HAO2: variants seen among roughly 807,000 people sequenced by gnomAD.
HAO2 encodes the protein 2-Hydroxyacid oxidase 2.
Under a neutral mutation model 37.4 loss-of-function variants are expected in HAO2, and 42 were observed. The ratio of observed to expected loss-of-function variants is 1.12; its 90% CI spans 0.88 to 1.45. The LOEUF (loss-of-function observed/expected upper bound fraction) is 1.45, where lower values mean the gene tolerates loss of function less well. HAO2 is among the 40% of genes most tolerant of loss of function. The pLI, the probability that HAO2 is intolerant of heterozygous loss-of-function variation, is 0.00. For missense variants in HAO2, 476 were observed against 430.2 expected (o/e 1.11, Z -0.94); for synonymous variants, 180 against 162.8 (o/e 1.11, Z -0.81).
chr1:119,390,684 G>A (rs1650810230), intron 5 of HAO2, among the ~76,000 whole-genome samples: 1 of 152,218 alleles, frequency 6.6e-6, no homozygotes, highest in South Asian at 2.1e-4. Context: ...AGGCTTTAGA[G>A]TTAATTTTTA....
chr1:119,376,935 G>A (rs1453024235), intron 1 of HAO2, among the ~76,000 whole-genome samples: 2 of 152,152 alleles, frequency 1.3e-5, no homozygotes, highest in Non-Finnish European at 2.9e-5. Flanking sequence ...TGTCTGATAT[G>A]CCCTGGAATC....
intron 3 of HAO2, 73 bp from the exon 4 acceptor site, chr1:119,384,703 C>T (rs1650236475): frequency 1.6e-6 from 2 of 1,257,722 alleles, no homozygotes; most frequent in African/African-American, 1.5e-5. Context: ...AGAGGCTACA[C>T]AGACTCCCAA....
At chr1:119,382,642 C>T (rs1650045281) in intron 2 of HAO2, among the ~76,000 whole-genome samples, 1 of 152,170 alleles carries the variant, frequency 6.6e-6, no homozygotes, top group Non-Finnish European at 1.5e-5. Context: ...TCTGACAGAG[C>T]AAAGCAGGAA....
intron 5 of HAO2, among the ~76,000 whole-genome samples, chr1:119,387,961 C>G (rs75032749): frequency 0.02 from 2,983 of 152,286 alleles, 32 homozygotes; most frequent in Non-Finnish European, 0.03. Flanking sequence ...CTCCTCTGCA[C>G]CAGCTCTAAC....
Position 119,394,066 on chromosome 1 carries a change from C to T in HAO2, c.*226C>T. ...TTGTATCACTGACTATTATATGTTG[C>T]TCTCTTGCCTAAATCTTCCTCTGAA... On this transcript the variant is annotated 3_prime_UTR_variant, in exon 8 of 8. Coordinates refer to ENST00000325945, the MANE Select transcript of HAO2 (RefSeq NM_016527.4). The T allele has an allele frequency of 1.5e-6, 2 of 1,330,764 alleles. No individual in the cohort carries two copies. The highest frequency in any genetic ancestry group is 1.7e-5 in the South Asian group (1 of 57,176). 82.4% of individuals were successfully genotyped at this position (1,330,764 alleles called of 1,614,324 possible). A position where few individuals can be genotyped will look rare whatever the true frequency, so the allele number is the denominator to read the frequency against.
At position 119,392,621 on chromosome 1, in the gene HAO2, G is replaced by A. The variant is rs1164221688; in HGVS notation, c.934G>A (p.Glu312Lys). ...TGTCTGTCTGCCTCGGGAGCAGGGT[G>A]AACATGGTGTTAAGGAAGTTTTGAA... The part of the protein sequence containing the change: ...PILWGLACKG[E>K]HGVKEVLNIL... Residue 312 changes from glutamate to lysine, a missense_variant, in exon 7 of 8, where the codon GAA becomes AAA. By Grantham distance (56) the Glu-to-Lys change is moderately conservative. Coordinates refer to ENST00000325945, the MANE Select transcript of HAO2 (RefSeq NM_016527.4). The A allele has an allele frequency of 6.2e-7, 1 of 1,603,310 alleles. No homozygotes were observed. Among genetic ancestry groups the A allele is most frequent in the African/African-American group, 1.3e-5 (1 of 74,804 alleles).
At chr1:119,377,189 A>T (rs1649541987) in intron 1 of HAO2, among the ~76,000 whole-genome samples, 1 of 152,218 alleles carries the variant, frequency 6.6e-6, no homozygotes, top group South Asian at 2.1e-4. Context: ...TCACCTCTTG[A>T]ATGCTTTGCT....
At chr1:119,386,866 T>TG in intron 5 of HAO2, 35 bp downstream of exon 5, 5 of 1,322,160 alleles carry the variant, frequency 3.8e-6, no homozygotes, top group Non-Finnish European at 5.5e-6. Context: ...GGTGTGTTTG[T>TG]GAGTGCTGTG....
chr1:119,385,943 G>T (rs1048007321), intron 4 of HAO2: 3 of 954,206 alleles, frequency 3.1e-6, no homozygotes, highest in African/African-American at 3.5e-5. Context: ...CTTATCCTGG[G>T]TATGCCTCAA....
intron 1 of HAO2, chr1:119,380,354 G>A (rs587753064): frequency 7.2e-6 from 2 of 277,242 alleles, no homozygotes; most frequent in Non-Finnish European, 1.3e-5. Context: ...AACATACATT[G>A]TTTCTCAGGT....
In HAO2 at chr1:119,372,085, G is replaced by T. The variant is rs116269557; in HGVS notation, c.-9+3183G>T. Among the ~76,000 whole-genome samples the T allele has an allele frequency of 5.5e-3, 831 of 152,248 alleles. 6 individuals carry two copies. Among genetic ancestry groups the T allele is most frequent in the African/African-American group, 0.019 (776 of 41,528 alleles). ...CACAAAAGAATGCTATTAAAATAGC[G>T]GTTGGATTCCCAGGTGACTGAAAAT... On this transcript the variant is annotated intron_variant, in intron 1 of 7. Transcript: ENST00000325945.
intron 5 of HAO2, among the ~76,000 whole-genome samples, chr1:119,388,449 A>G (rs1650565142): frequency 6.6e-6 from 1 of 152,200 alleles, no homozygotes; most frequent in Non-Finnish European, 1.5e-5. Context: ...CCACTAGAGA[A>G]TGAGTATTGG....
At chr1:119,382,001 T>G (rs1435911049) in intron 2 of HAO2, among the ~76,000 whole-genome samples, 1 of 152,188 alleles carries the variant, frequency 6.6e-6, no homozygotes, top group Non-Finnish European at 1.5e-5. Flanking sequence ...ATATTTACTC[T>G]CTGGCCCTTT....
intron 2 of HAO2, 80 bp from the exon 3 acceptor site, chr1:119,382,835 C>A: frequency 1.5e-6 from 2 of 1,335,100 alleles, no homozygotes; most frequent in Non-Finnish European, 2.1e-6. Flanking sequence ...TATCAGGAAT[C>A]AGGGGGGTCC....
chr1:119,379,742 CTCTGTTTCCTG>C lies in HAO2; in HGVS notation c.-8-1330_-8-1320del, dbSNP rs1287790234. Among the ~76,000 whole-genome samples the C allele has an allele frequency of 8.5e-5, 13 of 152,226 alleles. No individual in the cohort carries two copies. In the South Asian group the frequency reaches 2.3e-3, roughly 27 times the overall value. ...TAGAGCCCAATGCACTTCCTGGGGG[CTCTGTTTCCTG>C]TCTGTCATATAATTTCTTCCTGCTT... On this transcript the variant is annotated intron_variant, in intron 1 of 7. Transcript: ENST00000325945.
intron 5 of HAO2, among the ~76,000 whole-genome samples, chr1:119,387,951 C>G (rs1207117247): frequency 2.0e-5 from 3 of 152,180 alleles, no homozygotes; most frequent in Non-Finnish European, 4.4e-5. Flanking sequence ...CACTCACCTC[C>G]TCCTCTGCAC....
Position 119,381,150 on chromosome 1 carries a change from G to T in HAO2, c.65G>T (p.Arg22Leu). The change falls in exon 2 of 8, where the codon CGG (arginine) becomes CTG (leucine). Residue 22 changes from arginine (R) to leucine (L), a missense_variant. Transcript: ENST00000325945. ...HAREQLSKSTRDFIEGGADDS... is the reference protein window; with the variant it reads ...HAREQLSKSTLDFIEGGADDS... The stretch of plus-strand genomic sequence containing the variant: ...CGAGAGCAGCTGTCTAAGTCAACTC[G>T]GGATTTTATTGAAGGTGGAGCAGAT... 1 of 1,610,256 alleles carries T rather than the reference G, an allele frequency of 6.2e-7. No individual in the cohort carries two copies.
At position 119,382,995 on chromosome 1, in the gene HAO2, C is replaced by A; in HGVS notation, c.212C>A (p.Ala71Asp). Residue 71 changes from alanine (A) to aspartate (D), a missense_variant, in exon 3 of 8, where the codon GCC becomes GAC. By Grantham distance (126) the Ala-to-Asp change is moderately radical. Coordinates refer to ENST00000325945, the MANE Select transcript of HAO2 (RefSeq NM_016527.4). ...ACAATCCAAGGGGAGGAGATCAGTG[C>A]CCCTATTTGTATCGCACCCACAGGG... ...RTTIQGEEIS[A>D]PICIAPTGFH... The A allele has an allele frequency of 6.2e-7, 1 of 1,612,408 alleles. No individual in the cohort carries two copies. Among genetic ancestry groups the A allele is most frequent in the East Asian group, 2.2e-5 (1 of 44,754 alleles).
intron 2 of HAO2, among the ~76,000 whole-genome samples, chr1:119,382,254 T>C (rs1352348702): frequency 7.2e-5 from 11 of 152,220 alleles, no homozygotes; most frequent in Non-Finnish European, 1.6e-4. Flanking sequence ...TCAGAAAATT[T>C]TTCTAAGTTT....
Sources: allele counts gnomAD v4.1 joint callset (sites outside exome capture counted in the v4.1 genomes callset), GRCh38; gene constraint gnomAD v4.1.1; transcripts MANE v1.5; gene names NCBI Gene and HGNC (gene_info 2026-07-23, HGNC 2026-07-21).